The following DNAAF4 variants were observed in gnomAD, a reference collection of about 807,000 sequenced individuals.
The protein encoded by DNAAF4 is dynein assembly factor 4, axonemal.
In DNAAF4, 43 loss-of-function variants were observed where a neutral mutation model predicts 51.8. The observed-to-expected ratio is 0.83, with a 90% confidence interval of 0.65 to 1.07. The LOEUF (loss-of-function observed/expected upper bound fraction) is 1.07, where lower values mean the gene tolerates loss of function less well. DNAAF4 is among the 50% of genes least tolerant of loss of function. The pLI, the probability that DNAAF4 is intolerant of heterozygous loss-of-function variation, is 0.00. For synonymous variants in DNAAF4, 194 were observed against 165.6 expected (o/e 1.17, Z -1.32); for missense variants, 581 against 493.0 (o/e 1.18, Z -1.69).
intron 3 of DNAAF4, among the ~76,000 whole-genome samples, chr15:55,494,127 T>A (rs2058609394): frequency 1.3e-5 from 2 of 151,714 alleles, no homozygotes; most frequent in South Asian, 4.1e-4. Flanking sequence ...CCTCCCGGGT[T>A]AAAGTGATTC....
chr15:55,466,895 G>A, intron 5 of DNAAF4, 35 bp downstream of exon 5: 1 of 1,577,490 alleles, frequency 6.3e-7, no homozygotes, highest in Non-Finnish European at 8.5e-7. Flanking sequence ...TTCACCAACA[G>A]GACTCACTAC....
intron 4 of DNAAF4, 134 bp from the exon 5 acceptor site, chr15:55,467,295 T>G: frequency 1.2e-6 from 1 of 831,316 alleles, no homozygotes; most frequent in South Asian, 1.9e-5. Flanking sequence ...TAGGTAGTAG[T>G]GAATTATGAA....
At chr15:55,460,770 T>C (rs1390412993) in intron 5 of DNAAF4, among the ~76,000 whole-genome samples, 2 of 151,600 alleles carry the variant, frequency 1.3e-5, no homozygotes, top group Non-Finnish European at 2.9e-5. Context: ...CTCAATAATT[T>C]TTTTTTTTTT....
intron 5 of DNAAF4, among the ~76,000 whole-genome samples, chr15:55,462,143 T>A (rs2058101744): frequency 6.7e-6 from 1 of 149,972 alleles, no homozygotes; most frequent in African/African-American, 2.4e-5. Context: ...ATTGAAACAG[T>A]AATTTAAAAA....
intron 1 of DNAAF4, among the ~76,000 whole-genome samples, chr15:55,499,856 A>T (rs1274688785): frequency 6.6e-6 from 1 of 152,120 alleles, no homozygotes; most frequent in Non-Finnish European, 1.5e-5. Flanking sequence ...TACACAAACC[A>T]TTTTCGTATA....
intron 9 of DNAAF4, among the ~76,000 whole-genome samples, chr15:55,431,121 G>C (rs984487580): frequency 7.9e-5 from 12 of 152,090 alleles, no homozygotes; most frequent in African/African-American, 2.9e-4. Context: ...CACCGTGTTA[G>C]CCAGTAGGGC....
intron 4 of DNAAF4, among the ~76,000 whole-genome samples, chr15:55,480,464 C>T (rs2058394142): frequency 1.3e-5 from 2 of 152,082 alleles, no homozygotes; most frequent in South Asian, 4.1e-4. Context: ...TCTTGAAAAA[C>T]AAGCAGCCTT....
intron 6 of DNAAF4, among the ~76,000 whole-genome samples, chr15:55,448,756 G>C (rs2057883019): frequency 6.6e-6 from 1 of 151,058 alleles, no homozygotes; most frequent in African/African-American, 2.4e-5. Context: ...TGTAGTCCCA[G>C]CTACTCGGGA....
rs1883041183 is a variant in DNAAF4 at position 55,498,237 on chromosome 15, C to G, written c.93G>C (p.Thr31=). 2 of 1,613,972 alleles carry G rather than the reference C, an allele frequency of 1.2e-6. No homozygotes were observed. Among genetic ancestry groups the G allele is most frequent in the South Asian group, 1.1e-5 (1 of 91,034 alleles). ...LPLKGVCVRD[T]DVFCTENYLK... is the part of the protein sequence containing the mutation. ...GATAGTTTTCCGTGCAGAACACGTC[C>G]GTGTCTCTGACGCACACGCCTTTGA... is the stretch of plus-strand genomic sequence containing the variant. Residue 31 remains threonine (T), a synonymous_variant, in exon 2 of 10, where the codon ACG becomes ACC. Coordinates refer to ENST00000321149, the MANE Select transcript of DNAAF4 (RefSeq NM_130810.4).
chr15:55,442,807 C>T (rs916533864), intron 6 of DNAAF4: 2 of 1,612,196 alleles, frequency 1.2e-6, no homozygotes, highest in African/African-American at 2.7e-5. Flanking sequence ...TCTTTTACAA[C>T]TGATGTTGAG....
chr15:55,441,910 C>A (rs1442220708), intron 6 of DNAAF4, among the ~76,000 whole-genome samples: 5 of 152,184 alleles, frequency 3.3e-5, no homozygotes, highest in Admixed American at 3.3e-4. Context: ...CAAAAAGATT[C>A]ATGTGTTCAG....
chr15:55,470,816 A>G (rs966658112), intron 4 of DNAAF4, among the ~76,000 whole-genome samples: 1 of 138,366 alleles, frequency 7.2e-6, no homozygotes, highest in Non-Finnish European at 1.5e-5. Context: ...AAGTGCTGGG[A>G]TTTACAGACA....
chr15:55,449,950 C>T (rs1271037926), intron 6 of DNAAF4, among the ~76,000 whole-genome samples: 4 of 151,958 alleles, frequency 2.6e-5, no homozygotes, highest in South Asian at 2.1e-4. Flanking sequence ...CCACCCATCT[C>T]GGGCTCCCAA....
intron 4 of DNAAF4, among the ~76,000 whole-genome samples, chr15:55,473,338 T>C (rs1178268411): frequency 7.0e-6 from 1 of 143,504 alleles, no homozygotes; most frequent in African/African-American, 2.6e-5. Context: ...TATATGTGTG[T>C]ATATATATGT....
chr15:55,506,425 G>C (rs775684258), intron 1 of DNAAF4, among the ~76,000 whole-genome samples: 7 of 152,070 alleles, frequency 4.6e-5, no homozygotes, highest in Non-Finnish European at 1.0e-4. Flanking sequence ...AACATTATAG[G>C]CTGGATCATT....
At chr15:55,473,319 G>GTGTATATATA (rs1567023557) in intron 4 of DNAAF4, among the ~76,000 whole-genome samples, 10 of 130,896 alleles carry the variant, frequency 7.6e-5, no homozygotes, top group Non-Finnish European at 1.5e-4. Flanking sequence ...GTGTATATAT[G>GTGTATATATA]TGTGTATATA....
chr15:55,442,167 G>T (rs1300569316), intron 6 of DNAAF4, among the ~76,000 whole-genome samples: 1 of 152,168 alleles, frequency 6.6e-6, no homozygotes, highest in African/African-American at 2.4e-5. Context: ...TGCCAAGGCT[G>T]GAGTGATGTG....
intron 5 of DNAAF4, among the ~76,000 whole-genome samples, chr15:55,460,951 G>C (rs1056691117): frequency 6.6e-6 from 1 of 151,834 alleles, no homozygotes; most frequent in African/African-American, 2.4e-5. Context: ...TTTTAGTAAA[G>C]ACAAGGTTTC....
At chr15:55,480,522 C>G (rs1299251914) in intron 4 of DNAAF4, among the ~76,000 whole-genome samples, 1 of 152,142 alleles carries the variant, frequency 6.6e-6, no homozygotes, top group Non-Finnish European at 1.5e-5. Flanking sequence ...GCCAAATGGA[C>G]TGGAACCAAT....
Sources: allele counts gnomAD v4.1 joint callset (sites outside exome capture counted in the v4.1 genomes callset), GRCh38; gene constraint gnomAD v4.1.1; transcripts MANE v1.5; gene names NCBI Gene and HGNC (gene_info 2026-07-23, HGNC 2026-07-21).